RELL1: variants seen among roughly 807,000 people sequenced by gnomAD.
RELL1 encodes the protein RELT like 1, also known as RELT-like protein 1.
Under a neutral mutation model 23.0 loss-of-function variants are expected in RELL1, and 10 were observed. The observed-to-expected ratio is 0.43, with a 90% confidence interval of 0.27 to 0.74. The LOEUF is 0.74. Ranked by LOEUF, RELL1 falls within the 30% of genes least tolerant of loss-of-function variation. The probability of loss-of-function intolerance (pLI) is 0.19; values close to 1 mark genes in which losing one functional copy is unlikely to be tolerated. For missense variants in RELL1, 315 were observed against 364.4 expected (o/e 0.86, Z 1.10); for synonymous variants, 146 against 146.8 (o/e 0.99, Z 0.04).
chr4:37,608,716 T>TATC (rs1281758644), downstream of RELL1, among the ~76,000 whole-genome samples: 2 of 151,410 alleles, frequency 1.3e-5, no homozygotes, highest in Non-Finnish European at 2.9e-5. Flanking sequence ...CTGCAATCTC[T>TATC]ATCTCCCGGA....
chr4:37,588,041 C>T (rs1197506106), downstream of RELL1: 3 of 152,214 alleles, frequency 2.0e-5, no homozygotes, highest in South Asian at 2.1e-4. Flanking sequence ...TGCTTCCATA[C>T]TCATTTTTAG....
chr4:37,679,238 C>A (rs935724043), intron 1 of RELL1, among the ~76,000 whole-genome samples: 3 of 152,196 alleles, frequency 2.0e-5, no homozygotes, highest in Admixed American at 1.3e-4. Flanking sequence ...CTCCATCTAG[C>A]CGACAAGTTT....
At chr4:37,678,774 G>A (rs917053262) in intron 1 of RELL1, among the ~76,000 whole-genome samples, 8 of 152,228 alleles carry the variant, frequency 5.3e-5, no homozygotes, top group African/African-American at 1.7e-4. Context: ...ACAATGCTAT[G>A]AGGCAGCTCA....
At position 37,649,476 on chromosome 4, in the gene RELL1, T is replaced by C. The variant is rs184268938; in HGVS notation, c.113A>G (p.His38Arg). ...CGACGGGGTCGTCTCTGTTCTGGAGTGCAATGTGCGGCTGCTCCCATTGTC... is the reference window on the plus strand; with the variant it reads ...CGACGGGGTCGTCTCTGTTCTGGAGCGCAATGTGCGGCTGCTCCCATTGTC... The part of the protein sequence containing the change: ...APDNGSSRTL[H>R]SRTETTPSPS... Residue 38 changes from histidine to arginine, a missense_variant, in exon 2 of 7, where the codon CAC becomes CGC. Transcript: ENST00000454158. 6.2e-7 allele frequency: 1 copy of C among 1,613,852 alleles called. No individual in the cohort carries two copies. Among genetic ancestry groups the C allele is most frequent in the African/African-American group, 1.3e-5 (1 of 75,042 alleles).
intron 3 of RELL1, among the ~76,000 whole-genome samples, chr4:37,642,878 A>AGGTGCC (rs1284723357): frequency 6.6e-6 from 1 of 152,260 alleles, no homozygotes; most frequent in African/African-American, 2.4e-5. Context: ...GAACAGGTGC[A>AGGTGCC]GGTGCCGGGA....
downstream of RELL1, among the ~76,000 whole-genome samples, chr4:37,606,150 GAGAA>G (rs1297388965): frequency 5.6e-5 from 8 of 141,680 alleles, no homozygotes; most frequent in East Asian, 4.2e-4. The surrounding 1 kb of genome is among the most constrained non-coding windows in gnomAD (Gnocchi z 4.1). Flanking sequence ...AAGGGAGAGA[GAGAA>G]AGAAAAGAAA....
At chr4:37,642,671 G>A (rs150767354) in intron 3 of RELL1, among the ~76,000 whole-genome samples, 73 of 152,264 alleles carry the variant, frequency 4.8e-4, no homozygotes, top group African/African-American at 1.7e-3. Context: ...CGGTGACTTG[G>A]GGTGGAGCCC....
downstream of RELL1, among the ~76,000 whole-genome samples, chr4:37,606,973 G>A (rs1391023950): frequency 6.6e-6 from 1 of 152,164 alleles, no homozygotes. The surrounding 1 kb of genome is among the most constrained non-coding windows in gnomAD (Gnocchi z 4.1). Flanking sequence ...GTACCATCAC[G>A]TTCCTGACAT....
intron 6 of RELL1, among the ~76,000 whole-genome samples, chr4:37,622,468 A>G (rs1183086395): frequency 6.6e-6 from 1 of 152,232 alleles, no homozygotes; most frequent in Admixed American, 6.5e-5. Flanking sequence ...GGCTGTTTAA[A>G]TATTTTATCC....
chr4:37,634,871 T>A lies in RELL1; in HGVS notation c.680+16A>T. ...CCATGTCACACACAAACCAAAAGCA[T>A]CTGAAGGGATCTTACCTGCCAACAG... On this transcript the variant is annotated intron_variant, in intron 5 of 6. Coordinates refer to ENST00000454158, the MANE Select transcript of RELL1 (RefSeq NM_001085400.2). The A allele has an allele frequency of 1.9e-6, 3 of 1,611,324 alleles. No individual in the cohort carries two copies. Among genetic ancestry groups the A allele is most frequent in the South Asian group, 1.1e-5 (1 of 91,028 alleles).
At chr4:37,674,350 C>A (rs1721943908) in intron 1 of RELL1, among the ~76,000 whole-genome samples, 5 of 152,224 alleles carry the variant, frequency 3.3e-5, no homozygotes, top group Admixed American at 2.6e-4. Context: ...CCTGCAATGA[C>A]TATTAAAAAG....
chr4:37,586,909 CA>C (rs1000777758), downstream of RELL1, among the ~76,000 whole-genome samples: 2 of 151,976 alleles, frequency 1.3e-5, no homozygotes, highest in Non-Finnish European at 2.9e-5. Flanking sequence ...GGCTCTGTCT[CA>C]AAAAAACAAA....
intron 1 of RELL1, among the ~76,000 whole-genome samples, chr4:37,657,575 T>C (rs1012362026): frequency 6.6e-6 from 1 of 152,186 alleles, no homozygotes; most frequent in Non-Finnish European, 1.5e-5. Flanking sequence ...GATACAGTTT[T>C]TCCTGAGGCC....
chr4:37,638,218 G>A (rs1430921910), intron 4 of RELL1, among the ~76,000 whole-genome samples: 1 of 152,206 alleles, frequency 6.6e-6, no homozygotes, highest in African/African-American at 2.4e-5. Flanking sequence ...CACCTTGGGA[G>A]GGTGGGGGCA....
At chr4:37,604,956 G>T (rs1347559805) in intron 6 of RELL1, among the ~76,000 whole-genome samples, 1 of 112,880 alleles carries the variant, frequency 8.9e-6, no homozygotes, top group Non-Finnish European at 1.9e-5. Context: ...CACACACAGA[G>T]ACACACACAT....
chr4:37,668,470 G>T (rs1022771325), intron 1 of RELL1, among the ~76,000 whole-genome samples: 16 of 152,114 alleles, frequency 1.1e-4, no homozygotes, highest in African/African-American at 3.6e-4. Flanking sequence ...CGCCAGCCTC[G>T]GCCTCCCGAG....
intron 1 of RELL1, among the ~76,000 whole-genome samples, chr4:37,653,192 T>C (rs1187404537): frequency 1.3e-5 from 2 of 152,212 alleles, no homozygotes; most frequent in Non-Finnish European, 2.9e-5. Flanking sequence ...AGCTACTCCA[T>C]GCTCACCTTA....
chr4:37,640,071 G>GT (rs34543693), intron 3 of RELL1, among the ~76,000 whole-genome samples: 15,430 of 151,374 alleles, frequency 0.1, 964 homozygotes, highest in Non-Finnish European at 0.15. Context: ...AAGAGAGTGA[G>GT]TTTTTTTTTG....
intron 3 of RELL1, among the ~76,000 whole-genome samples, chr4:37,641,333 TA>T (rs1222770413): frequency 6.6e-6 from 1 of 152,194 alleles, no homozygotes; most frequent in Non-Finnish European, 1.5e-5. Flanking sequence ...TCAACTTCAG[TA>T]ATCTGTCTAT....
Sources: allele counts gnomAD v4.1 joint callset (sites outside exome capture counted in the v4.1 genomes callset), GRCh38; gene constraint gnomAD v4.1.1; non-coding constraint Gnocchi (gnomAD v3.1); transcripts MANE v1.5; gene names NCBI Gene and HGNC (gene_info 2026-07-23, HGNC 2026-07-21).